The following SUDS3 variants were observed in gnomAD, a reference collection of about 807,000 sequenced individuals.
The protein encoded by SUDS3 is sin3 histone deacetylase corepressor complex component SDS3.
Under a neutral mutation model 53.5 loss-of-function variants are expected in SUDS3, and 23 were observed. The ratio of observed to expected loss-of-function variants is 0.43; its 90% confidence interval spans 0.31 to 0.61. The LOEUF (loss-of-function observed/expected upper bound fraction) is 0.61, where lower values mean the gene tolerates loss of function less well. Ranked by LOEUF, SUDS3 falls within the 20% of genes least tolerant of loss-of-function variation. SUDS3 has a pLI of 0.10. For synonymous variants in SUDS3, 150 were observed against 148.5 expected, an observed-to-expected ratio of 1.01 and a Z score of -0.08; for missense variants, 291 against 405.9, an observed-to-expected ratio of 0.72 and a Z score of 2.43.
Position 118,403,428 on chromosome 12 carries a change from T to C in SUDS3, c.714T>C (p.Pro238=). The C allele has an allele frequency of 1.2e-6, 2 of 1,613,606 alleles. No individual in the cohort carries two copies. The highest frequency in any genetic ancestry group is 1.7e-6 in the Non-Finnish European group (2 of 1,179,748). ...TTCCTCCAGCATCTCCATCCTCTCC[T>C]GAGCACTTGCCTGCAACACCCGCGG... The part of the protein sequence containing the change: ...SPKRPASPSS[P]EHLPATPAES... The change falls in exon 10 of 12, where the codon CCT becomes CCC. Residue 238 remains proline, a synonymous_variant. Transcript: ENST00000543473.
chr12:118,388,810 G>A (rs1198078459), intron 4 of SUDS3, among the ~76,000 whole-genome samples: 1 of 152,138 alleles, frequency 6.6e-6, no homozygotes, highest in Non-Finnish European at 1.5e-5. Flanking sequence ...GATTATCTGT[G>A]GAGGTCCTTC....
intron 9 of SUDS3, among the ~76,000 whole-genome samples, chr12:118,402,910 G>C (rs1342883954): frequency 2.0e-5 from 3 of 152,010 alleles, no homozygotes; most frequent in Non-Finnish European, 4.4e-5. Context: ...ACAGGCATGT[G>C]CCACCACACC....
chr12:118,397,136 G>C (rs930612913), intron 6 of SUDS3, among the ~76,000 whole-genome samples: 1 of 152,116 alleles, frequency 6.6e-6, no homozygotes, highest in Non-Finnish European at 1.5e-5. Context: ...GATCAGAGAG[G>C]GTTTCTAATT....
rs1447877495 is a variant in SUDS3 at position 118,417,144 on chromosome 12, A to AC, written c.*2713dup. 1 of 151,978 alleles carries AC rather than the reference A, an allele frequency of 6.6e-6. No homozygotes were observed. Among genetic ancestry groups the AC allele is most frequent in the East Asian group, 1.9e-4 (1 of 5,184 alleles). 9.4% of individuals were successfully genotyped at this position (151,978 alleles called of 1,614,324 possible). On this transcript the variant is annotated 3_prime_UTR_variant, in exon 12 of 12. Transcript: ENST00000543473. ...TTTCCAGATGGATTTCTGTAGCCAT[A>AC]CCAAAGCCAGGGTGTTTTCATTCAT...
chr12:118,416,249 A>T lies in SUDS3; in HGVS notation c.*1816A>T, dbSNP rs2046399644. The stretch of plus-strand genomic sequence containing the variant: ...ATATATTTCATGTATTTTTCCATTG[A>T]AGGTGGAGTTTTTCAATGATCATGT... On this transcript the variant is annotated 3_prime_UTR_variant, in exon 12 of 12. Coordinates refer to ENST00000543473, the MANE Select transcript of SUDS3 (RefSeq NM_022491.3). 6.6e-6 allele frequency: 1 copy of T among 152,166 alleles called. No homozygotes were observed. Among genetic ancestry groups the T allele is most frequent in the Non-Finnish European group, 1.5e-5 (1 of 68,024 alleles). 9.4% of individuals were successfully genotyped at this position (152,166 alleles called of 1,614,324 possible). A position where few individuals can be genotyped will look rare whatever the true frequency, so the allele number is the denominator to read the frequency against.
intron 9 of SUDS3, among the ~76,000 whole-genome samples, chr12:118,403,064 G>A (rs1299258063): frequency 1.3e-5 from 2 of 152,166 alleles, no homozygotes; most frequent in Non-Finnish European, 2.9e-5. Context: ...TGCTGAAAAC[G>A]ATTGCATTTT....
chr12:118,380,026 A>G, intron 1 of SUDS3, 136 bp from the exon 2 acceptor site: 2 of 701,752 alleles, frequency 2.9e-6, no homozygotes, highest in South Asian at 1.8e-5. Flanking sequence ...AATGTTTTTC[A>G]TTGATGGCTT....
rs753338072 is a variant in SUDS3, at chr12:118,384,012, G to A, written c.213G>A (p.Gln71=). Residue 71 remains glutamine (Q), a splice_region_variant and synonymous_variant, in exon 3 of 12, where the codon CAG becomes CAA. Coordinates refer to ENST00000543473, the MANE Select transcript of SUDS3 (RefSeq NM_022491.3). Reference sequence around the variant, plus strand: ...TAGTGTGACTTTTTTTTTTTTATAGGATGTATCAGGACAAACTGGCTTCTC... The same window carrying A: ...TAGTGTGACTTTTTTTTTTTTATAGAATGTATCAGGACAAACTGGCTTCTC... ...DEEDYVEMKE[Q]MYQDKLASLK... is the part of the protein sequence containing the mutation. 20 of 1,609,826 alleles carry A rather than the reference G, an allele frequency of 1.2e-5. No homozygotes were observed. The South Asian group carries it at 1.7e-4, about 13-fold the overall frequency.
At chr12:118,376,942 G>C (rs1409848431) in intron 1 of SUDS3, 109 bp downstream of exon 1, 20 of 1,306,706 alleles carry the variant, frequency 1.5e-5, no homozygotes, top group Non-Finnish European at 3.0e-6. Flanking sequence ...CTGGGGCTGC[G>C]TGGAGGGGCC....
intron 6 of SUDS3, among the ~76,000 whole-genome samples, chr12:118,396,580 C>G (rs1298501390): frequency 6.6e-6 from 1 of 152,156 alleles, no homozygotes; most frequent in Non-Finnish European, 1.5e-5. Flanking sequence ...TAAGGATGAC[C>G]CTTTGAATCA....
intron 6 of SUDS3, among the ~76,000 whole-genome samples, chr12:118,393,828 G>A (rs1294983283): frequency 2.6e-5 from 4 of 151,964 alleles, no homozygotes; most frequent in Admixed American, 6.6e-5. Flanking sequence ...GCACCACCAC[G>A]CCCGGCTAAT....
chr12:118,398,613 C>G (rs981921606), intron 6 of SUDS3, among the ~76,000 whole-genome samples: 8 of 99,752 alleles, frequency 8.0e-5, no homozygotes, highest in African/African-American at 3.1e-4. Context: ...CATGCAGAAG[C>G]CTTTTTTTTT....
At chr12:118,379,407 A>T (rs1468558031) in intron 1 of SUDS3, among the ~76,000 whole-genome samples, 1 of 152,154 alleles carries the variant, frequency 6.6e-6, no homozygotes, top group Non-Finnish European at 1.5e-5. Flanking sequence ...ACTGCACTCC[A>T]GCCTGGGCGA....
intron 6 of SUDS3, among the ~76,000 whole-genome samples, chr12:118,399,142 AAGGG>A (rs1487515639): frequency 6.6e-6 from 1 of 152,136 alleles, no homozygotes; most frequent in Admixed American, 6.5e-5. Context: ...AATGAAGAAG[AAGGG>A]AGGAAGACCA....
chr12:118,403,551 C>T, intron 10 of SUDS3, 34 bp downstream of exon 10: 1 of 1,538,122 alleles, frequency 6.5e-7, no homozygotes, highest in Non-Finnish European at 8.9e-7. Flanking sequence ...TAGTAAGAGT[C>T]TCATATGAAC....
Position 118,417,675 on chromosome 12 carries a change from AG to A in SUDS3, c.*3244del, listed in dbSNP as rs773299354. 1 of 145,416 alleles carries A rather than the reference AG, an allele frequency of 6.9e-6. No individual in the cohort carries two copies. Among genetic ancestry groups the A allele is most frequent in the African/African-American group, 2.7e-5 (1 of 37,476 alleles). The allele number at this position is 145,416 out of a possible 1,614,324, so 9.0% of individuals were successfully genotyped here. A position where few individuals can be genotyped will look rare whatever the true frequency, so the allele number is the denominator to read the frequency against. On this transcript the variant is annotated 3_prime_UTR_variant, in exon 12 of 12. Transcript: ENST00000543473. ...GGTGAATGTAAAATATAAAAGGTAT[AG>A]GTTTTTTTTTTTTTTTAAAGAAAAC... is the stretch of plus-strand genomic sequence containing the variant.
chr12:118,401,722 CT>C, intron 7 of SUDS3, 36 bp from the exon 8 acceptor site: 1 of 1,565,192 alleles, frequency 6.4e-7, no homozygotes, highest in Non-Finnish European at 8.8e-7. Context: ...TGCCTGGAAA[CT>C]GTACTTTTCA....
At chr12:118,393,348 G>A (rs1166191867) in intron 6 of SUDS3, among the ~76,000 whole-genome samples, 4 of 152,156 alleles carry the variant, frequency 2.6e-5, no homozygotes, top group African/African-American at 4.8e-5. Flanking sequence ...AGGATAAGAC[G>A]CTGATGAGAA....
At chr12:118,393,398 C>T (rs1442434673) in intron 6 of SUDS3, among the ~76,000 whole-genome samples, 5 of 152,098 alleles carry the variant, frequency 3.3e-5, no homozygotes, top group Non-Finnish European at 2.9e-5. Flanking sequence ...GTGTATTTGG[C>T]GACCTGCTCT....
Sources: gnomAD v4.1 joint callset for allele counts (sites outside exome capture counted in the v4.1 genomes callset) on GRCh38, gnomAD v4.1.1 for gene constraint, MANE v1.5 for transcripts, NCBI Gene and HGNC (gene_info 2026-07-23, HGNC 2026-07-21) for gene names.